Variants in NME7 observed in about 807,000 individuals in gnomAD.
The protein encoded by NME7 is nucleoside diphosphate kinase 7.
Under a neutral mutation model 49.1 loss-of-function variants are expected in NME7, and 41 were observed. That is an observed-to-expected ratio of 0.83 (90% CI 0.65 to 1.08). The LOEUF is 1.08. Ranked by LOEUF, NME7 falls within the 50% of genes least tolerant of loss-of-function variation. The pLI, the probability that NME7 is intolerant of heterozygous loss-of-function variation, is 0.00. For missense variants in NME7, 423 were observed against 463.4 expected (o/e 0.91, Z 0.80); for synonymous variants, 139 against 150.6 (o/e 0.92, Z 0.56).
chr1:169,225,570 AT>A (rs1243342626), intron 10 of NME7, among the ~76,000 whole-genome samples: 1 of 152,222 alleles, frequency 6.6e-6, no homozygotes, highest in Non-Finnish European at 1.5e-5. Flanking sequence ...CTTTAAGCAG[AT>A]ATTTTAAATA....
intron 10 of NME7, among the ~76,000 whole-genome samples, chr1:169,219,121 G>A (rs1661065908): frequency 6.6e-6 from 1 of 152,032 alleles, no homozygotes; most frequent in Non-Finnish European, 1.5e-5. Flanking sequence ...TTTCCTCAGG[G>A]AAGCCTTTTC....
chr1:169,259,230 A>G (rs1285867607), intron 7 of NME7, among the ~76,000 whole-genome samples: 4 of 132,912 alleles, frequency 3.0e-5, no homozygotes, highest in Admixed American at 3.0e-4. Flanking sequence ...AGCCCTCTAT[A>G]TATGCCTCCC....
At chr1:169,324,620 T>C in intron 1 of NME7, 120 bp from the exon 2 acceptor site, 1 of 614,536 alleles carries the variant, frequency 1.6e-6, no homozygotes, top group Non-Finnish European at 2.9e-6. Flanking sequence ...CCTATTATAT[T>C]GAATGTTTCT....
Position 169,349,395 on chromosome 1 carries a change from AAAGTTTT to A in NME7, c.3+18306_3+18312del, listed in dbSNP as rs1349776444. Among the ~76,000 whole-genome samples, 6 of 152,184 alleles carry A rather than the reference AAAGTTTT, an allele frequency of 3.9e-5. No homozygotes were observed. In the East Asian group the frequency reaches 5.8e-4, roughly 15 times the overall value. The stretch of plus-strand genomic sequence containing the variant: ...TGCCCAGTCAGCCCCAAATAAGTTT[AAAGTTTT>A]TAAATTTATTGATGAAATTATCAAA... On this transcript the variant is annotated intron_variant, in intron 1 of 11. Transcript: ENST00000367811.
intron 3 of NME7, among the ~76,000 whole-genome samples, chr1:169,319,393 T>A (rs1244854542): frequency 6.6e-6 from 1 of 152,170 alleles, no homozygotes; most frequent in Non-Finnish European, 1.5e-5. Flanking sequence ...TTTTAAAAAA[T>A]TATCAATTAA....
intron 7 of NME7, among the ~76,000 whole-genome samples, chr1:169,252,288 G>C (rs1320946299): frequency 6.6e-6 from 1 of 151,782 alleles, no homozygotes; most frequent in Non-Finnish European, 1.5e-5. Context: ...TTGTGGTTTT[G>C]ATTTGCATTT....
rs116462047 is a variant in NME7 at position 169,363,105 on chromosome 1, G to A, written c.3+4603C>T. 1.9e-3 allele frequency among the ~76,000 whole-genome samples: 292 copies of A among 151,854 alleles called. 4 individuals carry two copies. The highest frequency in any genetic ancestry group is 6.8e-3 in the African/African-American group (283 of 41,444). ...AAAAAAAAAATTAGCTGGGCATCAT[G>A]GCACACACCTATTATCCTAGCTGCT... On this transcript the variant is annotated intron_variant, in intron 1 of 11. Transcript: ENST00000367811.
Position 169,177,645 on chromosome 1 carries a change from C to T in NME7, c.991-8091G>A, listed in dbSNP as rs572545016. On this transcript the variant is annotated intron_variant, in intron 10 of 11. Coordinates refer to ENST00000367811, the MANE Select transcript of NME7 (RefSeq NM_013330.5). ...CTTAAAGAAAAACTTCTCAACATAACCTATAGTCCTGCATGCTCTGGCTCC... is the reference window on the plus strand; with the variant it reads ...CTTAAAGAAAAACTTCTCAACATAATCTATAGTCCTGCATGCTCTGGCTCC... Among the ~76,000 whole-genome samples the T allele has an allele frequency of 2.0e-5, 3 of 152,068 alleles. No homozygotes were observed. The South Asian group carries it at 6.2e-4, about 32-fold the overall frequency.
rs1259611057 is a variant in NME7 at position 169,259,498 on chromosome 1, A to T, written c.755-21811T>A. Among the ~76,000 whole-genome samples, 4 of 133,994 alleles carry T rather than the reference A, an allele frequency of 3.0e-5. 1 individual carries two copies. The highest frequency in any genetic ancestry group is 7.0e-5 in the Non-Finnish European group (4 of 56,998). The allele number at this position is 133,994 out of a possible 152,430, so 87.9% of individuals were successfully genotyped here. On this transcript the variant is annotated intron_variant, in intron 7 of 11. Coordinates refer to ENST00000367811, the MANE Select transcript of NME7 (RefSeq NM_013330.5). ...GGGAAGGAAGAAAATGCAACAATGT[A>T]AACAGTTAGAATCTCTGGATGGTAG...
chr1:169,272,093 C>T (rs903634840), intron 7 of NME7, among the ~76,000 whole-genome samples: 5 of 130,942 alleles, frequency 3.8e-5, no homozygotes, highest in African/African-American at 1.3e-4. Context: ...AATTTCTTTG[C>T]CTTAATTAAG....
chr1:169,205,495 A>C (rs371332561), intron 10 of NME7, among the ~76,000 whole-genome samples: 44 of 152,236 alleles, frequency 2.9e-4, no homozygotes, highest in African/African-American at 9.9e-4. Context: ...ATATTTATGG[A>C]ATATTCTAAG....
intron 10 of NME7, among the ~76,000 whole-genome samples, chr1:169,178,225 CAACTCTTT>C (rs1473783520): frequency 1.3e-5 from 2 of 152,160 alleles, no homozygotes; most frequent in African/African-American, 2.4e-5. Context: ...GTGACTCTCT[CAACTCTTT>C]ATTCTATCCT....
chr1:169,351,804 C>T (rs1653183844), intron 1 of NME7, among the ~76,000 whole-genome samples: 1 of 151,700 alleles, frequency 6.6e-6, no homozygotes, highest in African/African-American at 2.4e-5. Flanking sequence ...AACTATATGC[C>T]AATAAATTTA....
At chr1:169,219,693 C>T (rs561782233) in intron 10 of NME7, among the ~76,000 whole-genome samples, 11 of 152,262 alleles carry the variant, frequency 7.2e-5, no homozygotes, top group Admixed American at 6.5e-4. Flanking sequence ...TGTCACTGTA[C>T]CCAGCCTACA....
Position 169,237,570 on chromosome 1 carries a change from C to G in NME7, c.819+53G>C. 2.2e-6 allele frequency: 3 copies of G among 1,337,330 alleles called. No homozygotes were observed. In the South Asian group the frequency reaches 3.6e-5, roughly 16 times the overall value. 82.8% of individuals were successfully genotyped at this position (1,337,330 alleles called of 1,614,324 possible). A position where few individuals can be genotyped will look rare whatever the true frequency, so the allele number is the denominator to read the frequency against. ...ACATTCAATGTAAAGCATTTTATAA[C>G]TATTTTTGAAAAAAATCCTCACAAA... is the stretch of plus-strand genomic sequence containing the variant. On this transcript the variant is annotated intron_variant, in intron 8 of 11. Transcript: ENST00000367811.
chr1:169,295,369 T>TGGTA (rs1267892841), intron 6 of NME7, among the ~76,000 whole-genome samples: 1 of 152,098 alleles, frequency 6.6e-6, no homozygotes, highest in Non-Finnish European at 1.5e-5. Flanking sequence ...TGGCATAAGG[T>TGGTA]GGTAATAGGG....
chr1:169,271,500 G>A (rs11808274), intron 7 of NME7, among the ~76,000 whole-genome samples: 18,919 of 132,524 alleles, frequency 0.14, 4,667 homozygotes, highest in Admixed American at 0.16. Context: ...GAACGCTGTC[G>A]TCTCAATCAG....
intron 10 of NME7, among the ~76,000 whole-genome samples, chr1:169,213,830 A>AGT (rs140673205): frequency 6.7e-6 from 1 of 149,098 alleles, no homozygotes; most frequent in African/African-American, 2.4e-5. Flanking sequence ...TAAATAAATA[A>AGT]ATATATATAT....
At chr1:169,253,896 C>T (rs1401094319) in intron 7 of NME7, among the ~76,000 whole-genome samples, 1 of 150,448 alleles carries the variant, frequency 6.6e-6, no homozygotes, top group African/African-American at 2.4e-5. Context: ...ACCAGCCTTG[C>T]ATCCCAGGGA....
Sources: gnomAD v4.1 joint callset for allele counts (sites outside exome capture counted in the v4.1 genomes callset) on GRCh38, gnomAD v4.1.1 for gene constraint, MANE v1.5 for transcripts, NCBI Gene and HGNC (gene_info 2026-07-23, HGNC 2026-07-21) for gene names.